Variants in PLD1 observed in about 807,000 individuals in gnomAD.
PLD1 encodes the protein choline phosphatase 1.
PLD1 carries 112 observed loss-of-function variants against 137.1 expected under a neutral mutation model. The observed-to-expected ratio is 0.82, with a 90% CI of 0.70 to 0.96. The LOEUF is 0.96. PLD1 is among the 40% of genes least tolerant of loss of function. The pLI is 0.00. For missense variants in PLD1, 1,321 were observed against 1,342.0 expected (o/e 0.98, Z 0.24); for synonymous variants, 431 against 454.7 (o/e 0.95, Z 0.66).
chr3:171,703,926 A>T (rs528190316), intron 11 of PLD1, among the ~76,000 whole-genome samples: 1 of 152,296 alleles, frequency 6.6e-6, no homozygotes, highest in East Asian at 1.9e-4. Context: ...TCCAATGGAG[A>T]TGTAAATACA....
chr3:171,744,594 C>T (rs955325525), intron 1 of PLD1, among the ~76,000 whole-genome samples: 5 of 152,208 alleles, frequency 3.3e-5, no homozygotes, highest in African/African-American at 1.2e-4. Flanking sequence ...GATATACAGA[C>T]TGGTGCTAAA....
chr3:171,623,701 C>A (rs79875312), intron 23 of PLD1, among the ~76,000 whole-genome samples: 2 of 151,776 alleles, frequency 1.3e-5, no homozygotes, highest in African/African-American at 2.4e-5. Flanking sequence ...TAGACAGATA[C>A]ACCAGTGAAT....
At chr3:171,763,534 AGAGGGGAGGGGAGGG>A (rs1286588147) in intron 1 of PLD1, among the ~76,000 whole-genome samples, 1 of 7,602 alleles carries the variant, frequency 1.3e-4, no homozygotes, top group Non-Finnish European at 2.3e-4. Flanking sequence ...GGAGGGGAGG[AGAGGGGAGGGGAGGG>A]GAGGGGAGAG....
intron 1 of PLD1, among the ~76,000 whole-genome samples, chr3:171,757,075 C>CA (rs2108300278): frequency 6.6e-6 from 1 of 152,188 alleles, no homozygotes; most frequent in African/African-American, 2.4e-5. Flanking sequence ...TTTCTTATAA[C>CA]AAAAATAGAC....
intron 11 of PLD1, among the ~76,000 whole-genome samples, chr3:171,703,767 G>A (rs980206792): frequency 6.6e-6 from 1 of 152,148 alleles, no homozygotes; most frequent in Non-Finnish European, 1.5e-5. Context: ...GACTTGGAGG[G>A]AAAACTTGGA....
intron 1 of PLD1, among the ~76,000 whole-genome samples, chr3:171,753,434 G>A (rs1029995714): frequency 5.3e-5 from 8 of 152,260 alleles, no homozygotes; most frequent in African/African-American, 9.6e-5. Flanking sequence ...TTCCAGTGCA[G>A]CCGCTTTGCA....
At chr3:171,792,437 G>C (rs1214886140) in intron 1 of PLD1, 1 of 372,742 alleles carries the variant, frequency 2.7e-6, no homozygotes, top group African/African-American at 2.1e-5. Context: ...AATGCAGATG[G>C]ATCAGGGGCC....
chr3:171,798,420 G>A (rs988214761), intron 1 of PLD1, among the ~76,000 whole-genome samples: 2 of 152,190 alleles, frequency 1.3e-5, no homozygotes, highest in African/African-American at 4.8e-5. Context: ...GAAATCAGGC[G>A]TAAGGAAACT....
intron 1 of PLD1, among the ~76,000 whole-genome samples, chr3:171,764,907 G>A (rs1431643803): frequency 0.31 from 10,879 of 35,178 alleles, 2,697 homozygotes; most frequent in Admixed American, 0.37. Context: ...AAGGAAGGAA[G>A]GAAGGAAAGA....
At chr3:171,660,681 C>G (rs1182298192) in intron 20 of PLD1, among the ~76,000 whole-genome samples, 1 of 152,154 alleles carries the variant, frequency 6.6e-6, no homozygotes, top group Non-Finnish European at 1.5e-5. Flanking sequence ...TCTCGGCTCA[C>G]TGCAACCTTC....
At chr3:171,738,115 G>T in intron 1 of PLD1, 33 bp from the exon 2 acceptor site, 1 of 1,307,174 alleles carries the variant, frequency 7.7e-7, no homozygotes, top group Non-Finnish European at 1.1e-6. Flanking sequence ...CAAAGACTTA[G>T]CATTTTGATA....
intron 23 of PLD1, among the ~76,000 whole-genome samples, chr3:171,621,768 A>C (rs1733654581): frequency 6.6e-6 from 1 of 152,160 alleles, no homozygotes; most frequent in Non-Finnish European, 1.5e-5. Context: ...CCATTTGTTA[A>C]TGTTATATTG....
chr3:171,807,449 G>A (rs190232557), intron 1 of PLD1, among the ~76,000 whole-genome samples: 26 of 152,288 alleles, frequency 1.7e-4, no homozygotes, highest in Non-Finnish European at 1.0e-4. Flanking sequence ...GATGGATGGT[G>A]GTGACGGTAG....
Position 171,687,403 on chromosome 3 carries a change from G to A in PLD1, c.1721C>T (p.Ala574Val). The A allele has an allele frequency of 1.2e-6, 2 of 1,614,162 alleles. No homozygotes were observed. Among genetic ancestry groups the A allele is most frequent in the South Asian group, 2.2e-5 (2 of 91,086 alleles). Residue 574 changes from alanine (A) to valine (V), a missense_variant, in exon 15 of 27, where the codon GCA (alanine) becomes GTA (valine). Physicochemically the swap from Ala to Val is moderately conservative, Grantham distance 64. Transcript: ENST00000351298. Reference sequence around the variant, plus strand: ...GCTGTCAATGCTGCTGATGCTATCTGCGTCGTGCAGGTGGTGCCTGTGGAG... The same window carrying A: ...GCTGTCAATGCTGCTGATGCTATCTACGTCGTGCAGGTGGTGCCTGTGGAG... The part of the protein sequence containing the change: ...KQLHRHHLHD[A>V]DSISSIDSTS...
chr3:171,787,231 C>A (rs1186524518), intron 1 of PLD1, among the ~76,000 whole-genome samples: 1 of 152,184 alleles, frequency 6.6e-6, no homozygotes, highest in African/African-American at 2.4e-5. Context: ...TACCAACTAA[C>A]AGGTAGCTGA....
chr3:171,693,041 A>G (rs992469391), intron 12 of PLD1, among the ~76,000 whole-genome samples: 3 of 152,210 alleles, frequency 2.0e-5, no homozygotes, highest in African/African-American at 7.2e-5. Context: ...GGACACCCAA[A>G]TTCAATTGAT....
At chr3:171,756,707 T>TA (rs1206720885) in intron 1 of PLD1, among the ~76,000 whole-genome samples, 1 of 152,210 alleles carries the variant, frequency 6.6e-6, no homozygotes, top group Non-Finnish European at 1.5e-5. Flanking sequence ...TAGTAGCTGT[T>TA]AAAAAGTCAT....
Position 171,734,922 on chromosome 3 carries a change from G to T in PLD1, c.483C>A (p.Pro161=), listed in dbSNP as rs758108655. The T allele has an allele frequency of 2.5e-6, 4 of 1,613,470 alleles. No homozygotes were observed. Among genetic ancestry groups the T allele is most frequent in the Non-Finnish European group, 3.4e-6 (4 of 1,179,446 alleles). ...TGTTTTCAGATGAACGGGGCAAACT[G>T]GGCATCTCTCGAGGCTCCTCTCTGA... ...QNVREEPREM[P]SLPRSSENMI... The change falls in exon 5 of 27, where the codon CCC becomes CCA. Residue 161 remains proline, a synonymous_variant. Coordinates refer to ENST00000351298, the MANE Select transcript of PLD1 (RefSeq NM_002662.5).
intron 12 of PLD1, among the ~76,000 whole-genome samples, chr3:171,693,500 C>T (rs1422271520): frequency 6.6e-6 from 1 of 151,980 alleles, no homozygotes; most frequent in African/African-American, 2.4e-5. Flanking sequence ...ATGTATAGTT[C>T]AGAATGTATT....
Sources: allele counts gnomAD v4.1 joint callset (sites outside exome capture counted in the v4.1 genomes callset), GRCh38; gene constraint gnomAD v4.1.1; transcripts MANE v1.5; gene names NCBI Gene and HGNC (gene_info 2026-07-23, HGNC 2026-07-21).